Variants in BAIAP3 observed in about 807,000 individuals in gnomAD.
BAIAP3 encodes BAI1 associated protein 3.
BAIAP3 carries 180 observed loss-of-function variants against 149.7 expected under a neutral mutation model. That is an observed-to-expected ratio of 1.20 (90% confidence interval 1.07 to 1.36). The LOEUF is 1.36. Ranked by LOEUF, BAIAP3 falls within the 40% of genes most tolerant of loss-of-function variation. The probability of loss-of-function intolerance (pLI) is 0.00; values close to 1 mark genes in which losing one functional copy is unlikely to be tolerated. For synonymous variants in BAIAP3, 845 were observed against 670.7 expected (o/e 1.26, Z -4.02); for missense variants, 1,767 against 1,563.4 (o/e 1.13, Z -2.20).
chr16:1,349,375 T>C lies in BAIAP3; in HGVS notation c.*893T>C. ...GAGCCGAGGCTGCCAGGCCCATTTA[T>C]GTCCCTCATGTCTCTAGATTTTCTC... On this transcript the variant is annotated 3_prime_UTR_variant, in exon 34 of 34. Coordinates refer to ENST00000426824, the MANE Select transcript of BAIAP3 (RefSeq NM_001199097.2). 3 of 1,591,424 alleles carry C rather than the reference T, an allele frequency of 1.9e-6. No individual in the cohort carries two copies. The highest frequency in any genetic ancestry group is 2.6e-6 in the Non-Finnish European group (3 of 1,160,384).
At chr16:1,334,721 C>A in intron 1 of BAIAP3, 1 of 1,556,048 alleles carries the variant, frequency 6.4e-7, no homozygotes, top group Non-Finnish European at 8.7e-7. Context: ...ACCTGGGCAC[C>A]GCCATCGGCT....
Position 1,348,198 on chromosome 16 carries a change from C to A in BAIAP3, c.3252C>A (p.Ala1084=), listed in dbSNP as rs1265167601. The change falls in exon 33 of 34, where the codon GCC becomes GCA. Residue 1084 remains alanine, a synonymous_variant. Transcript: ENST00000426824. ...LSTNDFAGEA[A]LGLGGVTGVA... ...CCAACGACTTCGCTGGGGAGGCGGC[C>A]CTCGGCCTAGGTGGCGTCACTGGTG... The A allele has an allele frequency of 6.2e-7, 1 of 1,609,110 alleles. No homozygotes were observed.
chr16:1,344,096 C>T lies in BAIAP3; in HGVS notation c.1461C>T (p.Tyr487=). 2 of 1,612,148 alleles carry T rather than the reference C, an allele frequency of 1.2e-6. No homozygotes were observed. The highest frequency in any genetic ancestry group is 1.7e-6 in the Non-Finnish European group (2 of 1,179,870). The change falls in exon 16 of 34, where the codon TAC becomes TAT. Residue 487 remains tyrosine, a synonymous_variant. Coordinates refer to ENST00000426824, the MANE Select transcript of BAIAP3 (RefSeq NM_001199097.2). ...AGCTGCTGCGCCAGCTCCGAGACTA[C>T]TTCCCTGCCACCAACAGCACCGCTG... The part of the protein sequence containing the change: ...GLQLLRQLRD[Y]FPATNSTAVH...
At chr16:1,347,116 C>T in intron 28 of BAIAP3, 161 bp downstream of exon 28, 2 of 870,586 alleles carry the variant, frequency 2.3e-6, no homozygotes, top group South Asian at 1.7e-5. Context: ...GGTGTGGCCT[C>T]TGGTGATGGC....
chr16:1,346,764 G>A, intron 27 of BAIAP3, 80 bp downstream of exon 27: 1 of 1,529,542 alleles, frequency 6.5e-7, no homozygotes, highest in Non-Finnish European at 8.8e-7. Context: ...AGGCCCTGTG[G>A]GAGCTACTCC....
At position 1,346,458 on chromosome 16, in the gene BAIAP3, G is replaced by T. The variant is rs148186080; in HGVS notation, c.2510G>T (p.Arg837Leu). 6.2e-7 allele frequency: 1 copy of T among 1,612,440 alleles called. No homozygotes were observed. The highest frequency in any genetic ancestry group is 8.5e-7 in the Non-Finnish European group (1 of 1,179,714). The stretch of plus-strand genomic sequence containing the variant: ...TGCCCTCAGATGGTGGGCGACATCC[G>T]CAAGTATGTACAGCACATCAGTCTC... ...HLTSKMVGDIRKYVQHISLSP... is the reference protein window; with the variant it reads ...HLTSKMVGDILKYVQHISLSP... The change falls in exon 26 of 34, where the codon CGC (arginine) becomes CTC (leucine). Residue 837 changes from arginine (R) to leucine (L), a missense_variant. Transcript: ENST00000426824.
At chr16:1,341,944 T>G (rs2141588420) in intron 9 of BAIAP3, 42 bp from the exon 10 acceptor site, 1 of 1,583,630 alleles carries the variant, frequency 6.3e-7, no homozygotes, top group East Asian at 2.2e-5. Context: ...AGGGCCCGGC[T>G]GCGGGCTCCA....
At chr16:1,343,891 A>C in intron 15 of BAIAP3, 131 bp from the exon 16 acceptor site, 4 of 1,402,178 alleles carry the variant, frequency 2.9e-6, no homozygotes, top group South Asian at 1.3e-5. Context: ...GGGCCTGTGG[A>C]GGGTGCTGCT....
intron 24 of BAIAP3, 39 bp downstream of exon 24, chr16:1,346,117 G>A: frequency 1.9e-6 from 3 of 1,605,316 alleles, no homozygotes; most frequent in Non-Finnish European, 2.5e-6. Flanking sequence ...GCAGGAGGTG[G>A]GGGGCCATCA....
intron 1 of BAIAP3, chr16:1,334,649 G>T (rs747688834): frequency 9.1e-6 from 14 of 1,546,256 alleles, no homozygotes; most frequent in Non-Finnish European, 1.2e-5. Flanking sequence ...CAGATTCCCG[G>T]GGTTCGACTG....
chr16:1,345,246 C>A lies in BAIAP3; in HGVS notation c.1941-3C>A. 1 of 1,612,758 alleles carries A rather than the reference C, an allele frequency of 6.2e-7. No individual in the cohort carries two copies. The highest frequency in any genetic ancestry group is 8.5e-7 in the Non-Finnish European group (1 of 1,179,766). The stretch of plus-strand genomic sequence containing the variant: ...CCGAGCCCTCACAACCCTCCCACCA[C>A]AGGGACAGCCGCTCTCTGGCCCTGG... On this transcript the variant is annotated splice_polypyrimidine_tract_variant and splice_region_variant and intron_variant, in intron 21 of 33. Transcript: ENST00000426824.
chr16:1,335,449 C>T (rs1352100480), intron 1 of BAIAP3, among the ~76,000 whole-genome samples: 1 of 129,946 alleles, frequency 7.7e-6, no homozygotes, highest in Non-Finnish European at 1.6e-5. Flanking sequence ...CACGTCTGGG[C>T]CCACGGGAAA....
chr16:1,343,176 AGGGGGCGGTGCT>A (rs2034050687), intron 14 of BAIAP3, 160 bp downstream of exon 14: 3 of 1,097,476 alleles, frequency 2.7e-6, no homozygotes, highest in East Asian at 2.6e-5. Flanking sequence ...CGGGAAGGGA[AGGGGGCGGTGCT>A]ACGGGTAGGT....
chr16:1,346,734 G>T (rs1239617043), intron 27 of BAIAP3, 50 bp downstream of exon 27: 1 of 1,528,524 alleles, frequency 6.5e-7, no homozygotes, highest in Non-Finnish European at 8.8e-7. Flanking sequence ...GGTCACTGAG[G>T]CCGCCCTGCA....
intron 14 of BAIAP3, 54 bp downstream of exon 14, chr16:1,343,070 G>A: frequency 6.6e-6 from 10 of 1,506,258 alleles, no homozygotes; most frequent in Non-Finnish European, 9.0e-6. Context: ...GTGAGCGAGT[G>A]GGGCATCGGG....
rs1252283036 is a variant in BAIAP3 at position 1,340,838 on chromosome 16, C to T, written c.409-84C>T. On this transcript the variant is annotated intron_variant, in intron 5 of 33. Coordinates refer to ENST00000426824, the MANE Select transcript of BAIAP3 (RefSeq NM_001199097.2). ...GAGGACTGAGGTTGGGTGTCTGTGA[C>T]GGGCTGAGCCCGAGGTCCCAGCACA... 1.7e-5 allele frequency: 24 copies of T among 1,426,246 alleles called. No individual in the cohort carries two copies. The East Asian group carries it at 2.0e-4, about 12-fold the overall frequency. 88.3% of individuals were successfully genotyped at this position (1,426,246 alleles called of 1,614,324 possible). A position where few individuals can be genotyped will look rare whatever the true frequency, so the allele number is the denominator to read the frequency against.
chr16:1,348,203 G>C lies in BAIAP3; in HGVS notation c.3257G>C (p.Gly1086Ala). 6.2e-7 allele frequency: 1 copy of C among 1,608,866 alleles called. No individual in the cohort carries two copies. Among genetic ancestry groups the C allele is most frequent in the Non-Finnish European group, 8.5e-7 (1 of 1,179,502 alleles). Reference sequence around the variant, plus strand: ...GACTTCGCTGGGGAGGCGGCCCTCGGCCTAGGTGGCGTCACTGGTGTCGCC... The same window carrying C: ...GACTTCGCTGGGGAGGCGGCCCTCGCCCTAGGTGGCGTCACTGGTGTCGCC... ...TNDFAGEAAL[G>A]LGGVTGVARP... The change falls in exon 33 of 34, where the codon GGC (glycine) becomes GCC (alanine). Residue 1086 changes from glycine (G) to alanine (A), a missense_variant. Physicochemically the swap from Gly to Ala is moderately conservative, Grantham distance 60. Coordinates refer to ENST00000426824, the MANE Select transcript of BAIAP3 (RefSeq NM_001199097.2).
chr16:1,345,230 C>T lies in BAIAP3; in HGVS notation c.1941-19C>T. 9 of 1,612,114 alleles carry T rather than the reference C, an allele frequency of 5.6e-6. No homozygotes were observed. Among genetic ancestry groups the T allele is most frequent in the Non-Finnish European group, 7.6e-6 (9 of 1,179,432 alleles). ...GGTGTCTGAGTCAGGGCCGAGCCCT[C>T]ACAACCCTCCCACCACAGGGACAGC... On this transcript the variant is annotated intron_variant, in intron 21 of 33. Coordinates refer to ENST00000426824, the MANE Select transcript of BAIAP3 (RefSeq NM_001199097.2).
In BAIAP3 at chr16:1,346,265, G is replaced by A. The variant is rs552905952; in HGVS notation, c.2397G>A (p.Glu799=). 1.8e-5 allele frequency: 29 copies of A among 1,610,220 alleles called. No individual in the cohort carries two copies. In the East Asian group the frequency reaches 6.5e-4, roughly 36 times the overall value. ...GGCCAGAGGGGGCCACGGGGCCCGAGGGGGTGCTCCCCCGCCCTCTGCTCA... is the reference window on the plus strand; with the variant it reads ...GGCCAGAGGGGGCCACGGGGCCCGAAGGGGTGCTCCCCCGCCCTCTGCTCA... The part of the protein sequence containing the change: ...LAWPEGATGP[E]GVLPRPLLSC... The change falls in exon 25 of 34, where the codon GAG becomes GAA. Residue 799 remains glutamate (E), a synonymous_variant. Transcript: ENST00000426824.
Sources: allele counts gnomAD v4.1 joint callset (sites outside exome capture counted in the v4.1 genomes callset), GRCh38; gene constraint gnomAD v4.1.1; transcripts MANE v1.5; gene names NCBI Gene and HGNC (gene_info 2026-07-23, HGNC 2026-07-21).